BTBD9: variants seen among roughly 807,000 people sequenced by gnomAD.
The protein encoded by BTBD9 is BTB/POZ domain-containing protein 9.
In BTBD9, 49 loss-of-function variants were observed where a neutral mutation model predicts 64.3. That is an observed-to-expected ratio of 0.76 (90% CI 0.61 to 0.97). The LOEUF (loss-of-function observed/expected upper bound fraction) is 0.97, where lower values mean the gene tolerates loss of function less well. Ranked by LOEUF, BTBD9 falls within the 50% of genes least tolerant of loss-of-function variation. BTBD9 has a pLI of 0.00. For missense variants in BTBD9, 598 were observed against 762.1 expected, an observed-to-expected ratio of 0.78 and a Z score of 2.53; for synonymous variants, 260 against 274.7, an observed-to-expected ratio of 0.95 and a Z score of 0.53.
At chr6:38,291,422 C>A (rs1044984539) in intron 7 of BTBD9, among the ~76,000 whole-genome samples, 1 of 152,206 alleles carries the variant, frequency 6.6e-6, no homozygotes, top group Non-Finnish European at 1.5e-5. Flanking sequence ...TCTAAATATA[C>A]AATCATGTCA....
rs1401071705 is a variant in BTBD9 at position 38,465,755 on chromosome 6, ATGTATGTATG to A, written c.1154+111835_1154+111844del. ...TATATATATATATATATATATATAT[ATGTATGTATG>A]TATGTATTTCAGTTATTTATTTCTT... On this transcript the variant is annotated intron_variant, in intron 6 of 10. Coordinates refer to ENST00000481247, the MANE Select transcript of BTBD9 (RefSeq NM_001099272.2). Among the ~76,000 whole-genome samples the A allele has an allele frequency of 1.6e-4, 6 of 37,032 alleles. No homozygotes were observed. In the East Asian group the frequency reaches 0.037, roughly 229 times the overall value. The allele number at this position is 37,032 out of a possible 152,430, so 24.3% of individuals were successfully genotyped here.
At position 38,351,504 on chromosome 6, in the gene BTBD9, G is replaced by GTTTTT. The variant is rs79539406; in HGVS notation, c.1155-6412_1155-6411insAAAAA. Among the ~76,000 whole-genome samples, 709 of 96,550 alleles carry GTTTTT rather than the reference G, an allele frequency of 7.3e-3. 42 individuals are homozygous for GTTTTT. Among genetic ancestry groups the GTTTTT allele is most frequent in the African/African-American group, 8.8e-3 (235 of 26,774 alleles). The allele number at this position is 96,550 out of a possible 152,430, so 63.3% of individuals were successfully genotyped here. On this transcript the variant is annotated intron_variant, in intron 6 of 10. Coordinates refer to ENST00000481247, the MANE Select transcript of BTBD9 (RefSeq NM_001099272.2). ...TACTAAAGACAAATATTTAATTGTTGTTGTTTTTTTTTTTTTTTTTTTTGA... is the reference window on the plus strand; with the variant it reads ...TACTAAAGACAAATATTTAATTGTTGTTTTTTTGTTTTTTTTTTTTTTTTTTTTGA...
chr6:38,616,365 T>C (rs1777789631), intron 1 of BTBD9, among the ~76,000 whole-genome samples: 1 of 152,208 alleles, frequency 6.6e-6, no homozygotes, highest in African/African-American at 2.4e-5. Flanking sequence ...ATCAATACTA[T>C]CAGACCCAAC....
chr6:38,256,034 A>G (rs928989695), intron 9 of BTBD9, among the ~76,000 whole-genome samples: 1 of 151,252 alleles, frequency 6.6e-6, no homozygotes, highest in Non-Finnish European at 1.5e-5. Context: ...AAACCTGCAT[A>G]TTGTGCACAT....
At chr6:38,563,776 CTTTTTTTTT>C (rs57927975) in intron 6 of BTBD9, among the ~76,000 whole-genome samples, 4 of 113,580 alleles carry the variant, frequency 3.5e-5, no homozygotes, top group Non-Finnish European at 5.2e-5. Context: ...GCCTATCTAA[CTTTTTTTTT>C]TTTTTTTTTT....
At chr6:38,193,639 C>T (rs1296511910) in intron 9 of BTBD9, among the ~76,000 whole-genome samples, 1 of 152,144 alleles carries the variant, frequency 6.6e-6, no homozygotes, top group Non-Finnish European at 1.5e-5. Flanking sequence ...GAGTGCATGG[C>T]ACCCACGACT....
At chr6:38,180,478 G>GT (rs1458335813) in intron 10 of BTBD9, among the ~76,000 whole-genome samples, 2 of 152,142 alleles carry the variant, frequency 1.3e-5, no homozygotes, top group Non-Finnish European at 2.9e-5. Flanking sequence ...CCTTCCCACC[G>GT]TAACCCCAAG....
At chr6:38,437,036 A>G (rs893582312) in intron 6 of BTBD9, among the ~76,000 whole-genome samples, 1 of 152,248 alleles carries the variant, frequency 6.6e-6, no homozygotes, top group Non-Finnish European at 1.5e-5. Flanking sequence ...TGCACAATCA[A>G]ACACAGTATC....
chr6:38,594,493 A>G, intron 2 of BTBD9, 166 bp from the exon 3 acceptor site: 1 of 768,978 alleles, frequency 1.3e-6, no homozygotes, highest in South Asian at 2.3e-5. Context: ...TTTACAGGAC[A>G]CAAGAGGAAT....
At chr6:38,193,854 C>T in intron 9 of BTBD9, 1 of 985,432 alleles carries the variant, frequency 1.0e-6, no homozygotes, top group Non-Finnish European at 1.2e-6. Flanking sequence ...TCTTCCCTCT[C>T]ACTATGAACC....
At chr6:38,583,752 C>T (rs1000325088) in intron 4 of BTBD9, among the ~76,000 whole-genome samples, 3 of 152,164 alleles carry the variant, frequency 2.0e-5, no homozygotes, top group Non-Finnish European at 4.4e-5. Flanking sequence ...ACTTTCCTAA[C>T]CATTCTTGAT....
intron 1 of BTBD9, 101 bp downstream of exon 1, chr6:38,639,699 G>C (rs1354267331): frequency 6.6e-6 from 1 of 151,952 alleles, no homozygotes; most frequent in East Asian, 1.9e-4. Context: ...AAAAGCGGCG[G>C]AGGGGCGGGG....
chr6:38,485,960 T>G (rs1475609927), intron 6 of BTBD9, among the ~76,000 whole-genome samples: 1 of 152,204 alleles, frequency 6.6e-6, no homozygotes, highest in East Asian at 1.9e-4. Context: ...TCAATGATCT[T>G]AGCTAGGTCT....
At chr6:38,591,127 T>C (rs1214674679) in intron 4 of BTBD9, among the ~76,000 whole-genome samples, 4 of 152,182 alleles carry the variant, frequency 2.6e-5, no homozygotes, top group African/African-American at 9.7e-5. Context: ...CTCTCTCAAA[T>C]TGGTTCCTCA....
intron 9 of BTBD9, among the ~76,000 whole-genome samples, chr6:38,256,110 G>A (rs73730918): frequency 6.6e-6 from 1 of 151,508 alleles, no homozygotes; most frequent in Non-Finnish European, 1.5e-5. Context: ...ATGGCGGGGT[G>A]GGGGGTCTGA....
At chr6:38,472,955 A>AT (rs1242293515) in intron 6 of BTBD9, among the ~76,000 whole-genome samples, 3 of 152,244 alleles carry the variant, frequency 2.0e-5, no homozygotes, top group Non-Finnish European at 4.4e-5. Context: ...TGTAAGCCTG[A>AT]TACTATGGTT....
chr6:38,222,481 G>T lies in BTBD9; in HGVS notation c.1563-29884C>A, dbSNP rs1057212676. ...TCACCGTGTTAGCCAGGATGGTCTC[G>T]ATCTCCTGACCTCGTGATCCGCCCG... On this transcript the variant is annotated intron_variant, in intron 9 of 10. Transcript: ENST00000481247. Among the ~76,000 whole-genome samples the T allele has an allele frequency of 4.6e-5, 7 of 151,942 alleles. No homozygotes were observed. The South Asian group carries it at 8.3e-4, about 18-fold the overall frequency.
At chr6:38,515,948 AATATAGTCACTCTGT>A (rs1438550849) in intron 6 of BTBD9, among the ~76,000 whole-genome samples, 1 of 152,238 alleles carries the variant, frequency 6.6e-6, no homozygotes, top group Non-Finnish European at 1.5e-5. Context: ...GTGAGGGTTA[AATATAGTCACTCTGT>A]ACAGAGACTG....
intron 6 of BTBD9, among the ~76,000 whole-genome samples, chr6:38,372,478 C>T (rs1267177623): frequency 2.1e-5 from 3 of 143,792 alleles, no homozygotes; most frequent in African/African-American, 7.8e-5. Context: ...AAGAAAATCC[C>T]GCTCCACCAA....
Sources: gnomAD v4.1 joint callset for allele counts (sites outside exome capture counted in the v4.1 genomes callset) on GRCh38, gnomAD v4.1.1 for gene constraint, MANE v1.5 for transcripts, NCBI Gene and HGNC (gene_info 2026-07-23, HGNC 2026-07-21) for gene names.